Variants in KIF15 observed in about 807,000 individuals in gnomAD.
The protein encoded by KIF15 is kinesin family member 15.
A neutral mutation model predicts 190.6 loss-of-function variants in KIF15; 140 were observed. The observed-to-expected ratio is 0.73, with a 90% confidence interval of 0.64 to 0.84. KIF15 has a LOEUF of 0.84. Ranked by LOEUF, KIF15 falls within the 40% of genes least tolerant of loss-of-function variation. KIF15 has a pLI of 0.00. For synonymous variants in KIF15, 528 were observed against 551.3 expected, an observed-to-expected ratio of 0.96 and a Z score of 0.59; for missense variants, 1,372 against 1,584.4, an observed-to-expected ratio of 0.87 and a Z score of 2.28.
intron 6 of KIF15, 58 bp downstream of exon 6, chr3:44,785,000 T>A: frequency 1.2e-6 from 1 of 832,658 alleles, no homozygotes; most frequent in Non-Finnish European, 2.0e-6. Context: ...AATAGGTAGC[T>A]ACTGATAATT....
At chr3:44,864,851 T>C (rs2125740443) in intron 6 of KIF15, among the ~76,000 whole-genome samples, 1 of 152,166 alleles carries the variant, frequency 6.6e-6, no homozygotes, top group South Asian at 2.1e-4. Flanking sequence ...GTGAGGGAGG[T>C]AGCCTCTCCA....
At chr3:44,794,733 AG>A (rs1706888816) in intron 8 of KIF15, among the ~76,000 whole-genome samples, 1 of 152,116 alleles carries the variant, frequency 6.6e-6, no homozygotes, top group African/African-American at 2.4e-5. Context: ...AAGCTGAGGC[AG>A]GTAGATCACG....
At chr3:44,814,734 G>A (rs939907104) in intron 19 of KIF15, among the ~76,000 whole-genome samples, 177 bp from the exon 20 acceptor site, 20 of 152,176 alleles carry the variant, frequency 1.3e-4, no homozygotes, top group Non-Finnish European at 2.9e-5. Flanking sequence ...CCATGTGCAA[G>A]GGAGAGGAAG....
intron 10 of KIF15, among the ~76,000 whole-genome samples, chr3:44,798,751 T>A (rs1707118162): frequency 6.6e-6 from 1 of 152,188 alleles, no homozygotes; most frequent in South Asian, 2.1e-4. Context: ...TGAGTCTTTC[T>A]TCCTGCCAAC....
intron 20 of KIF15, among the ~76,000 whole-genome samples, chr3:44,824,392 C>G (rs1380275875): frequency 1.3e-5 from 2 of 152,126 alleles, no homozygotes; most frequent in Non-Finnish European, 2.9e-5. Flanking sequence ...CACCCTGTCC[C>G]ATTTCCCCAG....
At chr3:44,826,322 GTTGACTATGCA>G (rs1429972121) in intron 21 of KIF15, 42 bp from the exon 22 acceptor site, 2 of 1,570,162 alleles carry the variant, frequency 1.3e-6, no homozygotes, top group Non-Finnish European at 1.7e-6. Context: ...TGACATGTTC[GTTGACTATGCA>G]TTGCTAGTAA....
At chr3:44,840,081 T>C (rs542342528) in intron 27 of KIF15, among the ~76,000 whole-genome samples, 17 of 152,336 alleles carry the variant, frequency 1.1e-4, no homozygotes, top group African/African-American at 4.1e-4. Flanking sequence ...GTTCTGTTTT[T>C]AGTTTGTTGA....
In KIF15 at chr3:44,761,799, C is replaced by T. The variant is rs1015355127; in HGVS notation, c.-67C>T. ...ATCTTGAGCGGGCGGAATTCAGTCGCGCGCGGTGCAGTCGGGAGGTGGAGG... is the reference window on the plus strand; with the variant it reads ...ATCTTGAGCGGGCGGAATTCAGTCGTGCGCGGTGCAGTCGGGAGGTGGAGG... On this transcript the variant is annotated 5_prime_UTR_variant, in exon 1 of 35. Coordinates refer to ENST00000326047, the MANE Select transcript of KIF15 (RefSeq NM_020242.3). 34 of 1,610,676 alleles carry T rather than the reference C, an allele frequency of 2.1e-5. No homozygotes were observed. Among genetic ancestry groups the T allele is most frequent in the Middle Eastern group, 1.7e-4 (1 of 6,050 alleles).
At chr3:44,801,729 T>C (rs1355160448) in intron 12 of KIF15, 36 bp from the exon 13 acceptor site, 2 of 1,329,240 alleles carry the variant, frequency 1.5e-6, no homozygotes, top group Non-Finnish European at 1.1e-6. Context: ...AGTCAAATTA[T>C]TTTTCATGTT....
intron 1 of KIF15, among the ~76,000 whole-genome samples, chr3:44,772,362 A>G (rs1219572251): frequency 6.6e-6 from 1 of 152,220 alleles, no homozygotes; most frequent in East Asian, 1.9e-4. Context: ...AATGGAATCC[A>G]TGGAGACTTT....
At chr3:44,828,060 A>G (rs2125691781) in intron 23 of KIF15, among the ~76,000 whole-genome samples, 154 bp from the exon 24 acceptor site, 1 of 152,356 alleles carries the variant, frequency 6.6e-6, no homozygotes, top group South Asian at 2.1e-4. Flanking sequence ...AGACAGCACA[A>G]AATCACTGTC....
chr3:44,849,712 TAAC>T (rs1230762987), intron 32 of KIF15, among the ~76,000 whole-genome samples: 15 of 152,086 alleles, frequency 9.9e-5, no homozygotes, highest in Non-Finnish European at 1.6e-4. Flanking sequence ...TCATACTACT[TAAC>T]AATAAAATAT....
intron 6 of KIF15, among the ~76,000 whole-genome samples, chr3:44,866,352 G>A (rs147270721): frequency 6.6e-6 from 1 of 152,246 alleles, no homozygotes; most frequent in Middle Eastern, 3.4e-3. Context: ...GATTACAGGC[G>A]TGAGCCACTG....
chr3:44,832,208 G>A (rs1039888952), intron 26 of KIF15, among the ~76,000 whole-genome samples: 6 of 152,196 alleles, frequency 3.9e-5, no homozygotes, highest in Non-Finnish European at 8.8e-5. Flanking sequence ...AACATGTGTG[G>A]AGTGTCCCAA....
At position 44,802,809 on chromosome 3, in the gene KIF15, C is replaced by T. The variant is rs201452648; in HGVS notation, c.1510-5C>T. ...TATAATGCGTGTAATTCTTCTATGT[C>T]ACAGATAGAGCACCACCCCAGAGTT... On this transcript the variant is annotated splice_region_variant and splice_polypyrimidine_tract_variant and intron_variant, in intron 13 of 34. Coordinates refer to ENST00000326047, the MANE Select transcript of KIF15 (RefSeq NM_020242.3). 7 of 1,556,076 alleles carry T rather than the reference C, an allele frequency of 4.5e-6. No homozygotes were observed. The highest frequency in any genetic ancestry group is 2.2e-5 in the Admixed American group (1 of 44,658).
rs376141855 is a variant in KIF15, at chr3:44,847,979, A to T, written c.3696-6A>T. 2 of 1,602,934 alleles carry T rather than the reference A, an allele frequency of 1.2e-6. No homozygotes were observed. Among genetic ancestry groups the T allele is most frequent in the South Asian group, 2.2e-5 (2 of 89,334 alleles). On this transcript the variant is annotated splice_region_variant and splice_polypyrimidine_tract_variant and intron_variant, in intron 30 of 34. Coordinates refer to ENST00000326047, the MANE Select transcript of KIF15 (RefSeq NM_020242.3). ...TGCCTCCTCCCACCCCTGTTAATCT[A>T]TGCAGTGATCAGAATCATCCAGATA...
In KIF15 at chr3:44,780,784, A is replaced by C. The variant is rs1181661254; in HGVS notation, c.324-101A>C. 4.2e-6 allele frequency: 3 copies of C among 707,432 alleles called. No homozygotes were observed. The South Asian group carries it at 6.6e-5, about 15-fold the overall frequency. 43.8% of individuals were successfully genotyped at this position (707,432 alleles called of 1,614,324 possible). ...AGAATTTAAAAATAGAAAGAAAATA[A>C]GCTAACTTTTTGTGGAGAAAACTTA... On this transcript the variant is annotated intron_variant, in intron 4 of 34. Transcript: ENST00000326047.
rs1374154403 is a variant in KIF15 at position 44,843,106 on chromosome 3, T to C, written c.3586-19T>C. Reference sequence around the variant, plus strand: ...TACTGTAATGTGTTTTTTGAAAAGATACGATTTGATGTTATTAGGAGCAGT... The same window carrying C: ...TACTGTAATGTGTTTTTTGAAAAGACACGATTTGATGTTATTAGGAGCAGT... On this transcript the variant is annotated intron_variant, in intron 29 of 34. Transcript: ENST00000326047. The C allele has an allele frequency of 6.3e-7, 1 of 1,575,730 alleles. No individual in the cohort carries two copies. The highest frequency in any genetic ancestry group is 1.4e-5 in the African/African-American group (1 of 73,840).
At chr3:44,787,860 A>G (rs1214533109) in intron 7 of KIF15, among the ~76,000 whole-genome samples, 1 of 149,784 alleles carries the variant, frequency 6.7e-6, no homozygotes, top group African/African-American at 2.5e-5. Flanking sequence ...TTATTTTTTT[A>G]TTTGTTTTTT....
Sources: gnomAD v4.1 joint callset for allele counts (sites outside exome capture counted in the v4.1 genomes callset) on GRCh38, gnomAD v4.1.1 for gene constraint, MANE v1.5 for transcripts, NCBI Gene and HGNC (gene_info 2026-07-23, HGNC 2026-07-21) for gene names.